Variants in SOX8 observed in about 807,000 individuals in gnomAD.
SOX8 encodes the protein SRY-box transcription factor 8, also known as transcription factor SOX-8.
In SOX8, 9 loss-of-function variants were observed where a neutral mutation model predicts 22.9. The observed-to-expected ratio is 0.39, with a 90% CI of 0.24 to 0.69. The LOEUF (loss-of-function observed/expected upper bound fraction) is 0.69, where lower values mean the gene tolerates loss of function less well. SOX8 is among the 30% of genes least tolerant of loss of function. The probability of loss-of-function intolerance (pLI) is 0.43; values close to 1 mark genes in which losing one functional copy is unlikely to be tolerated. For synonymous variants in SOX8, 416 were observed against 330.6 expected, an observed-to-expected ratio of 1.26 and a Z score of -2.80; for missense variants, 734 against 699.4, an observed-to-expected ratio of 1.05 and a Z score of -0.56.
intron 2 of SOX8, among the ~76,000 whole-genome samples, chr16:984,208 G>A (rs1003738760): frequency 1.6e-4 from 25 of 152,368 alleles, no homozygotes; most frequent in African/African-American, 6.0e-4. Context: ...CCGAGAGGTG[G>A]TGTTTTCAGC....
At position 985,454 on chromosome 16, in the gene SOX8, C is replaced by G. The variant is rs2073451917; in HGVS notation, c.*68C>G. ...CCTTGTCCCGGCCCAGTGTGTGTGA[C>G]CAGGGCGGGAGGGGCCCCAGTGGCT... On this transcript the variant is annotated 3_prime_UTR_variant, in exon 3 of 3. Transcript: ENST00000293894. The G allele has an allele frequency of 7.4e-7, 1 of 1,359,584 alleles. No homozygotes were observed. Among genetic ancestry groups the G allele is most frequent in the Middle Eastern group, 2.2e-4 (1 of 4,512 alleles). 84.2% of individuals were successfully genotyped at this position (1,359,584 alleles called of 1,614,324 possible).
chr16:981,984 C>T lies in SOX8; in HGVS notation c.62C>T (p.Ser21Phe), dbSNP rs1272006686. Residue 21 changes from serine to phenylalanine, a missense_variant, in exon 1 of 3, where the codon TCC (serine) becomes TTC (phenylalanine). Transcript: ENST00000293894. ...PPCSPSGTAS[S>F]MSHVEDSDSD... ...TGCAGCCCGTCCGGCACCGCCAGCT[C>T]CATGTCGCACGTGGAGGACTCGGAC... The T allele has an allele frequency of 2.1e-6, 3 of 1,448,922 alleles. No homozygotes were observed. Among genetic ancestry groups the T allele is most frequent in the African/African-American group, 1.5e-5 (1 of 67,972 alleles). The allele number at this position is 1,448,922 out of a possible 1,614,324, so 89.8% of individuals were successfully genotyped here.
In SOX8 at chr16:985,090, G is replaced by A. The variant is rs533734232; in HGVS notation, c.1045G>A (p.Gly349Ser). The A allele has an allele frequency of 2.6e-5, 41 of 1,590,102 alleles. No homozygotes were observed. Among genetic ancestry groups the A allele is most frequent in the South Asian group, 4.5e-5 (4 of 89,832 alleles). ...KTEQPSPGHY[G>S]DQPRGSPDYG... The stretch of plus-strand genomic sequence containing the variant: ...GGAGCAGCCGAGCCCCGGCCACTAC[G>A]GCGACCAGCCCCGAGGCTCGCCCGA... Residue 349 changes from glycine to serine, a missense_variant, in exon 3 of 3, where the codon GGC becomes AGC. By Grantham distance (56) the Gly-to-Ser change is moderately conservative. Around this residue, in one of 3 missense-constraint regions of SOX8, gnomAD observed 588 missense variants for 568.2 expected, o/e 1.03. Coordinates refer to ENST00000293894, the MANE Select transcript of SOX8 (RefSeq NM_014587.5).
At position 983,752 on chromosome 16, in the gene SOX8, G is replaced by T. The variant is rs771042983; in HGVS notation, c.447G>T (p.Arg149=). 1.9e-6 allele frequency: 3 copies of T among 1,612,466 alleles called. No homozygotes were observed. Among genetic ancestry groups the T allele is most frequent in the African/African-American group, 2.7e-5 (2 of 74,936 alleles). Residue 149 remains arginine (R), a synonymous_variant, in exon 2 of 3, where the codon CGG becomes CGT. Coordinates refer to ENST00000293894, the MANE Select transcript of SOX8 (RefSeq NM_014587.5). ...LWRLLSESEK[R]PFVEEAERLR... is the part of the protein sequence containing the mutation. Reference sequence around the variant, plus strand: ...GCTTGCTGAGCGAGAGCGAGAAGCGGCCCTTCGTGGAGGAGGCAGAGCGCC... The same window carrying T: ...GCTTGCTGAGCGAGAGCGAGAAGCGTCCCTTCGTGGAGGAGGCAGAGCGCC...
chr16:982,512 C>T (rs1218850551), intron 1 of SOX8, 168 bp downstream of exon 1: 10 of 719,590 alleles, frequency 1.4e-5, no homozygotes, highest in East Asian at 6.8e-5. Flanking sequence ...GGAAAAACAT[C>T]CTCTGGCCAG....
At chr16:984,042 T>C in intron 2 of SOX8, 82 bp downstream of exon 2, 1 of 1,234,170 alleles carries the variant, frequency 8.1e-7, no homozygotes, top group Non-Finnish European at 1.1e-6. Flanking sequence ...GGGTGCATGA[T>C]GGTGGAGGGG....
Position 983,596 on chromosome 16 carries a change from G to A in SOX8, c.423-132G>A. On this transcript the variant is annotated intron_variant, in intron 1 of 2. Coordinates refer to ENST00000293894, the MANE Select transcript of SOX8 (RefSeq NM_014587.5). The stretch of plus-strand genomic sequence containing the variant: ...CTGGTGCCACGGGAGGCTCCGGAGC[G>A]CACGGCAGGCGGGTTTCCCTGGTCA... 1.5e-5 allele frequency: 11 copies of A among 739,696 alleles called. 1 individual carries two copies. The South Asian group carries it at 2.2e-4, about 15-fold the overall frequency. 45.8% of individuals were successfully genotyped at this position (739,696 alleles called of 1,614,324 possible). A position where few individuals can be genotyped will look rare whatever the true frequency, so the allele number is the denominator to read the frequency against.
rs1393306654 is a variant in SOX8, at chr16:982,232, C to A, written c.310C>A (p.Arg104=). The change falls in exon 1 of 3, where the codon CGG becomes AGG. Residue 104 remains arginine, a synonymous_variant. Transcript: ENST00000293894. ...GCTCAAAGCCAAGCCGCATGTGAAG[C>A]GGCCCATGAACGCATTCATGGTGTG... is the stretch of plus-strand genomic sequence containing the variant. ...GALKAKPHVK[R]PMNAFMVWAQ... is the part of the protein sequence containing the mutation. The A allele has an allele frequency of 1.3e-6, 2 of 1,550,058 alleles. No individual in the cohort carries two copies. The highest frequency in any genetic ancestry group is 2.5e-5 in the East Asian group (1 of 39,914).
Position 982,361 on chromosome 16 carries a change from C to A in SOX8, c.422+17C>A. On this transcript the variant is annotated intron_variant, in intron 1 of 2. Coordinates refer to ENST00000293894, the MANE Select transcript of SOX8 (RefSeq NM_014587.5). ...GCTGTGGCGGTGAGTGCCGGCGCCCCGGGGGCGGGGTTCGGGACCTTGGCC... is the reference window on the plus strand; with the variant it reads ...GCTGTGGCGGTGAGTGCCGGCGCCCAGGGGGCGGGGTTCGGGACCTTGGCC... The A allele has an allele frequency of 2.2e-6, 3 of 1,335,418 alleles. No homozygotes were observed. Among genetic ancestry groups the A allele is most frequent in the East Asian group, 3.0e-5 (1 of 33,366 alleles). The allele number at this position is 1,335,418 out of a possible 1,614,324, so 82.7% of individuals were successfully genotyped here.
rs763268803 is a variant in SOX8 at position 985,251 on chromosome 16, C to G, written c.1206C>G (p.Leu402=). ...YGAYPGYAPG[L]YQYPCFHSPR... The stretch of plus-strand genomic sequence containing the variant: ...CCTACCCTGGCTACGCACCCGGCCT[C>G]TACCAGTACCCCTGCTTCCACTCGC... The change falls in exon 3 of 3, where the codon CTC becomes CTG. Residue 402 remains leucine (L), a synonymous_variant. Transcript: ENST00000293894. 2 of 1,612,168 alleles carry G rather than the reference C, an allele frequency of 1.2e-6. No homozygotes were observed. The highest frequency in any genetic ancestry group is 1.7e-6 in the Non-Finnish European group (2 of 1,179,636).
chr16:983,842 C>G lies in SOX8; in HGVS notation c.537C>G (p.Ala179=), dbSNP rs540452402. The change falls in exon 2 of 3, where the codon GCC becomes GCG. Residue 179 remains alanine (A), a synonymous_variant. Coordinates refer to ENST00000293894, the MANE Select transcript of SOX8 (RefSeq NM_014587.5). The part of the protein sequence containing the change: ...YKYQPRRRKS[A]KAGHSDSDSG... ...ACCAGCCACGGCGCAGGAAGAGCGCCAAAGCCGGCCACAGCGACTCCGACT... is the reference window on the plus strand; with the variant it reads ...ACCAGCCACGGCGCAGGAAGAGCGCGAAAGCCGGCCACAGCGACTCCGACT... 1 of 1,612,750 alleles carries G rather than the reference C, an allele frequency of 6.2e-7. No individual in the cohort carries two copies. The highest frequency in any genetic ancestry group is 2.2e-5 in the East Asian group (1 of 44,862).
In SOX8 at chr16:985,508, G is replaced by A; in HGVS notation, c.*122G>A. 1 of 808,968 alleles carries A rather than the reference G, an allele frequency of 1.2e-6. No homozygotes were observed. The highest frequency in any genetic ancestry group is 1.9e-6 in the Non-Finnish European group (1 of 539,102). 50.1% of individuals were successfully genotyped at this position (808,968 alleles called of 1,614,324 possible). A position where few individuals can be genotyped will look rare whatever the true frequency, so the allele number is the denominator to read the frequency against. On this transcript the variant is annotated 3_prime_UTR_variant, in exon 3 of 3. Coordinates refer to ENST00000293894, the MANE Select transcript of SOX8 (RefSeq NM_014587.5). ...CTCCAAGTGCCTGCTGAAGTCTGCA[G>A]GGAAACACGCTTGCTGCCCGTGGCC... is the stretch of plus-strand genomic sequence containing the variant.
intron 1 of SOX8, 86 bp from the exon 2 acceptor site, chr16:983,642 C>A: frequency 7.6e-7 from 1 of 1,318,024 alleles, no homozygotes; most frequent in Non-Finnish European, 1.0e-6. Flanking sequence ...GCCCCGGCCT[C>A]TGCTGCCGGT....
chr16:983,729 T>C lies in SOX8; in HGVS notation c.424T>C (p.Leu142=). The C allele has an allele frequency of 6.2e-7, 1 of 1,611,816 alleles. No homozygotes were observed. Among genetic ancestry groups the C allele is most frequent in the Admixed American group, 1.7e-5 (1 of 59,960 alleles). Residue 142 remains leucine, a splice_region_variant and synonymous_variant, in exon 2 of 3, where the codon TTG becomes CTG. Transcript: ENST00000293894. ...LSKTLGKLWR[L]LSESEKRPFV... is the part of the protein sequence containing the mutation. ...CCCTGCCTCTGCCCTGTGCTGCAGC[T>C]TGCTGAGCGAGAGCGAGAAGCGGCC...
chr16:982,075 C>A lies in SOX8; in HGVS notation c.153C>A (p.Gly51=). 7.7e-7 allele frequency: 1 copy of A among 1,296,772 alleles called. No individual in the cohort carries two copies. The highest frequency in any genetic ancestry group is 9.7e-7 in the Non-Finnish European group (1 of 1,031,932). 80.3% of individuals were successfully genotyped at this position (1,296,772 alleles called of 1,614,324 possible). A position where few individuals can be genotyped will look rare whatever the true frequency, so the allele number is the denominator to read the frequency against. ...GLGRAGVAVG[G]ARGDPAEAAD... is the part of the protein sequence containing the mutation. ...GCCGCGCGGGGGTCGCGGTGGGGGG[C>A]GCCCGGGGCGACCCGGCGGAGGCGG... is the stretch of plus-strand genomic sequence containing the variant. Residue 51 remains glycine (G), a synonymous_variant, in exon 1 of 3, where the codon GGC becomes GGA. Transcript: ENST00000293894.
Position 983,563 on chromosome 16 carries a change from T to C in SOX8, c.423-165T>C, listed in dbSNP as rs1262049219. On this transcript the variant is annotated intron_variant, in intron 1 of 2. Coordinates refer to ENST00000293894, the MANE Select transcript of SOX8 (RefSeq NM_014587.5). The stretch of plus-strand genomic sequence containing the variant: ...GCGCCGGCCGGTTCTCCCAGAGGAG[T>C]GTACTGCCTGGTGCCACGGGAGGCT... 7.1e-6 allele frequency: 4 copies of C among 560,254 alleles called. No individual in the cohort carries two copies. In the Admixed American group the frequency reaches 1.3e-4, roughly 18 times the overall value. The allele number at this position is 560,254 out of a possible 1,614,324, so 34.7% of individuals were successfully genotyped here.
Position 986,497 on chromosome 16 carries a change from G to A in SOX8, c.*1111G>A, listed in dbSNP as rs1017000907. Reference sequence around the variant, plus strand: ...TAGGACACAGGACACAGGAATTCCTGGAAAGTGGTGGCTTCAGAAGTGATC... The same window carrying A: ...TAGGACACAGGACACAGGAATTCCTAGAAAGTGGTGGCTTCAGAAGTGATC... On this transcript the variant is annotated 3_prime_UTR_variant, in exon 3 of 3. Coordinates refer to ENST00000293894, the MANE Select transcript of SOX8 (RefSeq NM_014587.5). 3.9e-5 allele frequency: 6 copies of A among 152,370 alleles called. No individual in the cohort carries two copies. Among genetic ancestry groups the A allele is most frequent in the Non-Finnish European group, 7.3e-5 (5 of 68,044 alleles). The allele number at this position is 152,370 out of a possible 1,614,324, so 9.4% of individuals were successfully genotyped here.
In SOX8 at chr16:985,431, T is replaced by G. The variant is rs1375418853; in HGVS notation, c.*45T>G. ...GACTCGCAGGCGTCAGGGGGCAGCC[T>G]TGTCCCGGCCCAGTGTGTGTGACCA... On this transcript the variant is annotated 3_prime_UTR_variant, in exon 3 of 3. Coordinates refer to ENST00000293894, the MANE Select transcript of SOX8 (RefSeq NM_014587.5). 1.4e-6 allele frequency: 2 copies of G among 1,441,728 alleles called. No individual in the cohort carries two copies. The highest frequency in any genetic ancestry group is 1.8e-6 in the Non-Finnish European group (2 of 1,083,890). 89.3% of individuals were successfully genotyped at this position (1,441,728 alleles called of 1,614,324 possible).
intron 1 of SOX8, chr16:983,016 C>T (rs943224765): frequency 9.2e-5 from 14 of 152,352 alleles, no homozygotes; most frequent in Admixed American, 8.5e-4. Flanking sequence ...AGGCCGCCCC[C>T]ACCGAGTGTC....
Sources: gnomAD v4.1 joint callset for allele counts (sites outside exome capture counted in the v4.1 genomes callset) on GRCh38, gnomAD v4.1.1 for gene constraint, gnomAD v4.1.1 regional missense constraint, MANE v1.5 for transcripts, NCBI Gene and HGNC (gene_info 2026-07-23, HGNC 2026-07-21) for gene names.